Variants in MCAT observed in about 807,000 individuals in gnomAD.
MCAT encodes malonyl-CoA-acyl carrier protein transacylase, also known as malonyl-CoA-acyl carrier protein transacylase, mitochondrial.
In MCAT, 22 loss-of-function variants were observed where a neutral mutation model predicts 22.9. The observed-to-expected ratio is 0.96, with a 90% CI of 0.69 to 1.37. MCAT has a LOEUF of 1.37. Ranked by LOEUF, MCAT falls within the 40% of genes most tolerant of loss-of-function variation. MCAT has a pLI of 0.00. For missense variants in MCAT, 534 were observed against 533.6 expected, an observed-to-expected ratio of 1.00 and a Z score of -0.01; for synonymous variants, 240 against 233.9, an observed-to-expected ratio of 1.03 and a Z score of -0.24.
Position 43,132,485 on chromosome 22 carries a change from A to G in MCAT, c.*558T>C, listed in dbSNP as rs1484261449. On this transcript the variant is annotated 3_prime_UTR_variant, in exon 4 of 4. Coordinates refer to ENST00000290429, the MANE Select transcript of MCAT (RefSeq NM_173467.5). ...CACTCTCTAGCACACAGCAGGCAAT[A>G]CATATCTCTTGGGTATGTCCATAAA... 1 of 161,750 alleles carries G rather than the reference A, an allele frequency of 6.2e-6. No individual in the cohort carries two copies. The highest frequency in any genetic ancestry group is 1.4e-5 in the Non-Finnish European group (1 of 72,822). 10.0% of individuals were successfully genotyped at this position (161,750 alleles called of 1,614,324 possible).
At chr22:43,137,359 G>T in intron 2 of MCAT, 61 bp from the exon 3 acceptor site, 1 of 1,407,644 alleles carries the variant, frequency 7.1e-7, no homozygotes, top group Non-Finnish European at 9.8e-7. Context: ...AAAAGGCCAG[G>T]CCTGAGAAAC....
intron 2 of MCAT, 86 bp downstream of exon 2, chr22:43,141,076 G>A: frequency 3.0e-6 from 3 of 998,258 alleles, no homozygotes; most frequent in East Asian, 4.8e-5. Context: ...TCACCTGAGT[G>A]GGTCCAGTAT....
At position 43,143,069 on chromosome 22, in the gene MCAT, C is replaced by T; in HGVS notation, c.280G>A (p.Ala94Thr). 1.2e-6 allele frequency: 2 copies of T among 1,608,828 alleles called. No individual in the cohort carries two copies. Among genetic ancestry groups the T allele is most frequent in the Non-Finnish European group, 1.7e-6 (2 of 1,179,108 alleles). Residue 94 changes from alanine to threonine, a missense_variant, in exon 1 of 4, where the codon GCC (alanine) becomes ACC (threonine). By Grantham distance (58) the Ala-to-Thr change is moderately conservative (BLOSUM62 0). Transcript: ENST00000290429. ...AGGTCGTAGCCCAGCACGCGGCGGG[C>T]GGCGGCGTAGAGTTCGCGGACGCGC... Reference protein sequence around the residue: ...YPRVRELYAAARRVLGYDLLE... With the variant: ...YPRVRELYAATRRVLGYDLLE...
chr22:43,141,384 G>C lies in MCAT; in HGVS notation c.424-135C>G, dbSNP rs1930764441. ...TACGAACTTGGTGCACCAGCTGGAAGAGGACACACAAAAGTGACCTTGACA... is the reference window on the plus strand; with the variant it reads ...TACGAACTTGGTGCACCAGCTGGAACAGGACACACAAAAGTGACCTTGACA... On this transcript the variant is annotated intron_variant, in intron 1 of 3. Transcript: ENST00000290429. The C allele has an allele frequency of 4.2e-6, 3 of 707,576 alleles. No individual in the cohort carries two copies. The South Asian group carries it at 4.7e-5, about 11-fold the overall frequency. 43.8% of individuals were successfully genotyped at this position (707,576 alleles called of 1,614,324 possible). A position where few individuals can be genotyped will look rare whatever the true frequency, so the allele number is the denominator to read the frequency against.
At chr22:43,136,542 C>T (rs981613590) in intron 3 of MCAT, among the ~76,000 whole-genome samples, 5 of 152,242 alleles carry the variant, frequency 3.3e-5, no homozygotes, top group Admixed American at 1.3e-4. Flanking sequence ...CTGCACCCCT[C>T]GGCCTGGAGT....
rs540724804 is a variant in MCAT, at chr22:43,143,330, G to T, written c.19C>A (p.Arg7=). Residue 7 remains arginine, a synonymous_variant, in exon 1 of 4, where the codon CGG becomes AGG. Transcript: ENST00000290429. MSVRVA[R]VAWVRGLGAS... is the part of the protein sequence containing the mutation. The stretch of plus-strand genomic sequence containing the variant: ...CCCAAGCCCCTGACCCACGCTACCC[G>T]TGCGACCCGGACGCTCATGGTCGGA... 83 of 1,390,276 alleles carry T rather than the reference G, an allele frequency of 6.0e-5. No homozygotes were observed. Among genetic ancestry groups the T allele is most frequent in the Non-Finnish European group, 7.2e-5 (78 of 1,081,984 alleles). The allele number at this position is 1,390,276 out of a possible 1,614,324, so 86.1% of individuals were successfully genotyped here. A position where few individuals can be genotyped will look rare whatever the true frequency, so the allele number is the denominator to read the frequency against.
At chr22:43,135,349 A>C (rs12157702) in intron 3 of MCAT, among the ~76,000 whole-genome samples, 1 of 152,062 alleles carries the variant, frequency 6.6e-6, no homozygotes. Context: ...ATAAAAATAC[A>C]AAAAATTAGC....
chr22:43,133,324 A>G lies in MCAT; in HGVS notation c.892T>C (p.Tyr298His), dbSNP rs763478346. 1.4e-5 allele frequency: 22 copies of G among 1,614,216 alleles called. No individual in the cohort carries two copies. The highest frequency in any genetic ancestry group is 1.9e-5 in the Non-Finnish European group (22 of 1,180,042). Residue 298 changes from tyrosine (Y) to histidine (H), a missense_variant, in exon 4 of 4, where the codon TAC becomes CAC. Coordinates refer to ENST00000290429, the MANE Select transcript of MCAT (RefSeq NM_173467.5). The stretch of plus-strand genomic sequence containing the variant: ...TATCTATGCGCGTGGACGTTGGAGT[A>G]GACAGAAACCAGAGGCTTCTTAATG... The part of the protein sequence containing the change: ...VDIKKPLVSV[Y>H]SNVHAHRYRH...
chr22:43,132,937 T>C lies in MCAT; in HGVS notation c.*106A>G. ...AAAGCACGTTGCAAACAAATCCCTT[T>C]CACTCCTCAGAGGAGGAGCCATTAG... is the stretch of plus-strand genomic sequence containing the variant. On this transcript the variant is annotated 3_prime_UTR_variant, in exon 4 of 4. Transcript: ENST00000290429. 9.5e-7 allele frequency: 1 copy of C among 1,047,998 alleles called. No individual in the cohort carries two copies. The highest frequency in any genetic ancestry group is 1.5e-5 in the South Asian group (1 of 65,380). 64.9% of individuals were successfully genotyped at this position (1,047,998 alleles called of 1,614,324 possible). A position where few individuals can be genotyped will look rare whatever the true frequency, so the allele number is the denominator to read the frequency against.
At chr22:43,133,885 A>C (rs1930529182) in intron 3 of MCAT, among the ~76,000 whole-genome samples, 1 of 150,716 alleles carries the variant, frequency 6.6e-6, no homozygotes, top group Non-Finnish European at 1.5e-5. Context: ...GGCTCACTGC[A>C]AGCTCCGCCT....
In MCAT at chr22:43,132,996, T is replaced by A; in HGVS notation, c.*47A>T. On this transcript the variant is annotated 3_prime_UTR_variant, in exon 4 of 4. Coordinates refer to ENST00000290429, the MANE Select transcript of MCAT (RefSeq NM_173467.5). ...GGGGCGACAGGCACAGCCTACAGCC[T>A]CTCCTCAGGAGGACAGAGGGGGTCA... 1 of 1,552,154 alleles carries A rather than the reference T, an allele frequency of 6.4e-7. No individual in the cohort carries two copies. Among genetic ancestry groups the A allele is most frequent in the Non-Finnish European group, 8.8e-7 (1 of 1,133,362 alleles).
At chr22:43,141,747 T>G (rs1382269023) in intron 1 of MCAT, among the ~76,000 whole-genome samples, 3 of 152,196 alleles carry the variant, frequency 2.0e-5, no homozygotes, top group Admixed American at 6.5e-5. Flanking sequence ...AATTTTTGTA[T>G]TTTTAGTAGA....
Position 43,132,676 on chromosome 22 carries a change from T to C in MCAT, c.*367A>G. 4.8e-6 allele frequency: 1 copy of C among 206,392 alleles called. No homozygotes were observed. The highest frequency in any genetic ancestry group is 1.0e-4 in the South Asian group (1 of 9,886). The allele number at this position is 206,392 out of a possible 1,614,324, so 12.8% of individuals were successfully genotyped here. On this transcript the variant is annotated 3_prime_UTR_variant, in exon 4 of 4. Transcript: ENST00000290429. The stretch of plus-strand genomic sequence containing the variant: ...GGCTGAAATTGAGGCCACACCAGCA[T>C]GTTCTCAGCACTCACAGAGCAGGAC...
At chr22:43,142,175 A>G (rs1930787584) in intron 1 of MCAT, among the ~76,000 whole-genome samples, 1 of 152,252 alleles carries the variant, frequency 6.6e-6, no homozygotes, top group African/African-American at 2.4e-5. Flanking sequence ...GTCTTATTAA[A>G]TATTAATAGC....
At position 43,133,353 on chromosome 22, in the gene MCAT, AC is replaced by A; in HGVS notation, c.862del (p.Val288SerfsTer37). The A allele has an allele frequency of 3.7e-6, 6 of 1,614,158 alleles. No individual in the cohort carries two copies. Among genetic ancestry groups the A allele is most frequent in the Non-Finnish European group, 5.1e-6 (6 of 1,180,026 alleles). ...VEPLTQALKA[V>X]DIKKPLVSVY... Reference sequence around the variant, plus strand: ...AGAAACCAGAGGCTTCTTAATGTCGACTGCCTTTAAAGCTTGCGTCAGGGGC... The same window carrying A: ...AGAAACCAGAGGCTTCTTAATGTCGATGCCTTTAAAGCTTGCGTCAGGGGC... On this transcript the variant is annotated frameshift_variant, in exon 4 of 4. Coordinates refer to ENST00000290429, the MANE Select transcript of MCAT (RefSeq NM_173467.5). LOFTEE classifies it low-confidence loss of function (END_TRUNC).
In MCAT at chr22:43,143,398, C is replaced by G; in HGVS notation, c.-50G>C. On this transcript the variant is annotated 5_prime_UTR_variant, in exon 1 of 4. Coordinates refer to ENST00000290429, the MANE Select transcript of MCAT (RefSeq NM_173467.5). Reference sequence around the variant, plus strand: ...TACCGTGGCGACCGAGGCCCGACTGCGGCGGCGCGGCGCAGCGTGGTCCCT... The same window carrying G: ...TACCGTGGCGACCGAGGCCCGACTGGGGCGGCGCGGCGCAGCGTGGTCCCT... 7.8e-7 allele frequency: 1 copy of G among 1,286,810 alleles called. No homozygotes were observed. The allele number at this position is 1,286,810 out of a possible 1,614,324, so 79.7% of individuals were successfully genotyped here. A position where few individuals can be genotyped will look rare whatever the true frequency, so the allele number is the denominator to read the frequency against.
Position 43,133,116 on chromosome 22 carries a change from T to G in MCAT, c.1100A>C (p.Lys367Thr), listed in dbSNP as rs769628186. 1.9e-6 allele frequency: 3 copies of G among 1,614,208 alleles called. No individual in the cohort carries two copies. Among genetic ancestry groups the G allele is most frequent in the Non-Finnish European group, 2.5e-6 (3 of 1,180,038 alleles). Residue 367 changes from lysine (K) to threonine (T), a missense_variant, in exon 4 of 4, where the codon AAG becomes ACG. By Grantham distance (78) the Lys-to-Thr change is moderately conservative. Transcript: ENST00000290429. ...CAGCACATCCACGGCGCTGTAGGAC[T>G]TCCAGGCCTGCATGTTACAGCTCTT... is the stretch of plus-strand genomic sequence containing the variant. ...ILKSCNMQAW[K>T]SYSAVDVLQT...
Position 43,143,320 on chromosome 22 carries a change from C to CGG in MCAT, c.28_29insCC (p.Trp10SerfsTer27). On this transcript the variant is annotated frameshift_variant, in exon 1 of 4. Coordinates refer to ENST00000290429, the MANE Select transcript of MCAT (RefSeq NM_173467.5). LOFTEE classifies it high-confidence loss of function. Reference sequence around the variant, plus strand: ...GTAGCTGGCGCCCAAGCCCCTGACCCACGCTACCCGTGCGACCCGGACGCT... The same window carrying CGG: ...GTAGCTGGCGCCCAAGCCCCTGACCCGGACGCTACCCGTGCGACCCGGACGCT... 7.1e-7 allele frequency: 1 copy of CGG among 1,403,542 alleles called. No homozygotes were observed. The highest frequency in any genetic ancestry group is 1.6e-5 in the South Asian group (1 of 63,404). The allele number at this position is 1,403,542 out of a possible 1,614,324, so 86.9% of individuals were successfully genotyped here.
Position 43,137,315 on chromosome 22 carries a change from G to A in MCAT, c.512-17C>T, listed in dbSNP as rs755431291. ...CATACAAACCTGGCCAGAGAGAAGC[G>A]CATTTGGAAAAATGAGGGCACAGAA... On this transcript the variant is annotated splice_polypyrimidine_tract_variant and intron_variant, in intron 2 of 3. Coordinates refer to ENST00000290429, the MANE Select transcript of MCAT (RefSeq NM_173467.5). 8.7e-6 allele frequency: 14 copies of A among 1,604,480 alleles called. No homozygotes were observed. Among genetic ancestry groups the A allele is most frequent in the Admixed American group, 1.7e-5 (1 of 59,424 alleles).
Sources: gnomAD v4.1 joint callset for allele counts (sites outside exome capture counted in the v4.1 genomes callset) on GRCh38, gnomAD v4.1.1 for gene constraint, MANE v1.5 for transcripts, NCBI Gene and HGNC (gene_info 2026-07-23, HGNC 2026-07-21) for gene names.